Variants in TRPC4 observed in about 807,000 individuals in gnomAD.
The protein encoded by TRPC4 is short transient receptor potential channel 4.
In TRPC4, 49 loss-of-function variants were observed where a neutral mutation model predicts 99.4. The observed-to-expected ratio is 0.49, with a 90% CI of 0.39 to 0.63. The LOEUF (loss-of-function observed/expected upper bound fraction) is 0.63, where lower values mean the gene tolerates loss of function less well. TRPC4 is among the 20% of genes least tolerant of loss of function. The probability of loss-of-function intolerance (pLI) is 0.00; values close to 1 mark genes in which losing one functional copy is unlikely to be tolerated. For missense variants in TRPC4, 898 were observed against 1,152.9 expected (o/e 0.78, Z 3.20); for synonymous variants, 454 against 425.9 (o/e 1.07, Z -0.81).
intron 2 of TRPC4, among the ~76,000 whole-genome samples, chr13:37,765,165 T>C (rs1956331024): frequency 6.6e-6 from 1 of 151,400 alleles, no homozygotes; most frequent in Admixed American, 6.6e-5. Context: ...AGTTTTACTA[T>C]AAAGATTGTT....
chr13:37,658,113 A>T (rs915971830), intron 6 of TRPC4, among the ~76,000 whole-genome samples: 1 of 152,168 alleles, frequency 6.6e-6, no homozygotes, highest in Non-Finnish European at 1.5e-5. Context: ...CATTGCCCAT[A>T]CATTGAAGGA....
At chr13:37,781,137 C>T (rs984435465) in intron 2 of TRPC4, among the ~76,000 whole-genome samples, 3 of 152,068 alleles carry the variant, frequency 2.0e-5, no homozygotes, top group Admixed American at 2.0e-4. Flanking sequence ...CAAAATTATT[C>T]TGGTCAGTAC....
intron 1 of TRPC4, among the ~76,000 whole-genome samples, chr13:37,803,242 G>A (rs1957449686): frequency 6.6e-6 from 1 of 151,982 alleles, no homozygotes; most frequent in Admixed American, 6.6e-5. Flanking sequence ...AGCCCTGGAA[G>A]CAATCTTTTT....
chr13:37,728,487 AC>A (rs1955134217), intron 3 of TRPC4, among the ~76,000 whole-genome samples: 1 of 152,018 alleles, frequency 6.6e-6, no homozygotes, highest in Admixed American at 6.6e-5. Flanking sequence ...GGATGTAAAA[AC>A]CTATACAATG....
At chr13:37,775,098 C>T (rs563338462) in intron 2 of TRPC4, among the ~76,000 whole-genome samples, 15 of 151,690 alleles carry the variant, frequency 9.9e-5, no homozygotes, top group African/African-American at 3.1e-4. Context: ...ACAAAACCCA[C>T]GTATGAAAGA....
At chr13:37,734,093 T>C (rs924563011) in intron 3 of TRPC4, among the ~76,000 whole-genome samples, 9 of 152,160 alleles carry the variant, frequency 5.9e-5, no homozygotes, top group Non-Finnish European at 1.0e-4. Flanking sequence ...TGTGCCTCCA[T>C]GTTCCATGCT....
chr13:37,863,195 G>T (rs560511135), intron 1 of TRPC4, among the ~76,000 whole-genome samples: 79 of 151,530 alleles, frequency 5.2e-4, no homozygotes, highest in Non-Finnish European at 7.8e-4. Context: ...ATGTATGACT[G>T]CATGATCATA....
chr13:37,720,043 C>T (rs1954816207), intron 3 of TRPC4, among the ~76,000 whole-genome samples: 1 of 151,950 alleles, frequency 6.6e-6, no homozygotes, highest in Non-Finnish European at 1.5e-5. Context: ...CTGAGAAGGA[C>T]TCAACCTGCT....
chr13:37,774,968 T>A (rs1956657553), intron 2 of TRPC4, among the ~76,000 whole-genome samples: 2 of 7,616 alleles, frequency 2.6e-4, no homozygotes, highest in Non-Finnish European at 0.029. Flanking sequence ...TTCAGTATTA[T>A]GGTTAATGAA....
At chr13:37,665,840 C>CAAAAAAAAAA (rs1168472231) in intron 5 of TRPC4, among the ~76,000 whole-genome samples, 6 of 71,016 alleles carry the variant, frequency 8.4e-5, no homozygotes, top group Non-Finnish European at 1.4e-4. Context: ...TCAGCTGAGA[C>CAAAAAAAAAA]AAAAAAAAAA....
intron 1 of TRPC4, among the ~76,000 whole-genome samples, chr13:37,861,681 T>C (rs1265385680): frequency 1.3e-5 from 2 of 151,572 alleles, no homozygotes; most frequent in African/African-American, 2.4e-5. Context: ...TAAATAAAAA[T>C]GTGCAGTTCA....
At chr13:37,844,785 A>G (rs1202752164) in intron 1 of TRPC4, among the ~76,000 whole-genome samples, 1 of 152,208 alleles carries the variant, frequency 6.6e-6, no homozygotes, top group Non-Finnish European at 1.5e-5. Context: ...ACTCTTCTTC[A>G]GCTCACATTA....
chr13:37,707,174 T>G (rs1774623561), intron 3 of TRPC4, among the ~76,000 whole-genome samples: 1 of 152,216 alleles, frequency 6.6e-6, no homozygotes, highest in South Asian at 2.1e-4. Flanking sequence ...ACTATCATTT[T>G]TATAATCCTT....
intron 3 of TRPC4, among the ~76,000 whole-genome samples, chr13:37,709,236 T>G (rs1296673414): frequency 6.6e-6 from 1 of 151,978 alleles, no homozygotes; most frequent in Non-Finnish European, 1.5e-5. Context: ...GAACTCATTA[T>G]CTAAGAGGTA....
chr13:37,632,743 C>T lies in TRPC4; in HGVS notation c.*4160G>A, dbSNP rs897066286. 2.6e-5 allele frequency among the ~76,000 whole-genome samples: 4 copies of T among 152,176 alleles called. No individual in the cohort carries two copies. Among genetic ancestry groups the T allele is most frequent in the African/African-American group, 4.8e-5 (2 of 41,442 alleles). On this transcript the variant is annotated 3_prime_UTR_variant, in exon 11 of 11. Transcript: ENST00000379705. ...TGCATACAGGTTATCATAAAATCTA[C>T]ACTTCCAGTGAAAATGAACAGTGTA...
At chr13:37,850,631 A>G (rs990905464) in intron 1 of TRPC4, among the ~76,000 whole-genome samples, 2 of 152,238 alleles carry the variant, frequency 1.3e-5, no homozygotes, top group Non-Finnish European at 2.9e-5. Flanking sequence ...CATAAAAATT[A>G]AGATATAAAA....
At chr13:37,670,744 T>G (rs1369503767) in intron 5 of TRPC4, among the ~76,000 whole-genome samples, 1 of 152,196 alleles carries the variant, frequency 6.6e-6, no homozygotes, top group African/African-American at 2.4e-5. Context: ...AAAAGCCCGA[T>G]AGCAAGATGT....
At chr13:37,798,777 A>C (rs1174095651) in intron 1 of TRPC4, among the ~76,000 whole-genome samples, 1 of 152,276 alleles carries the variant, frequency 6.6e-6, no homozygotes, top group East Asian at 1.9e-4. Context: ...TGTTATGCAA[A>C]TTCCACATTT....
At chr13:37,770,849 G>A (rs908350082) in intron 2 of TRPC4, among the ~76,000 whole-genome samples, 1 of 151,448 alleles carries the variant, frequency 6.6e-6, no homozygotes, top group Non-Finnish European at 1.5e-5. Context: ...TGGACTATCC[G>A]CCTAATATGA....
Sources: allele counts gnomAD v4.1 joint callset (sites outside exome capture counted in the v4.1 genomes callset), GRCh38; gene constraint gnomAD v4.1.1; transcripts MANE v1.5; gene names NCBI Gene and HGNC (gene_info 2026-07-23, HGNC 2026-07-21).